Variants in ASIP observed in about 807,000 individuals in gnomAD.
ASIP encodes agouti signaling protein.
ASIP carries 11 observed loss-of-function variants against 10.3 expected under a neutral mutation model. That is an observed-to-expected ratio of 1.07 (90% CI 0.68 to 1.78). The LOEUF (loss-of-function observed/expected upper bound fraction) is 1.78, where lower values mean the gene tolerates loss of function less well. Ranked by LOEUF, ASIP falls within the 40% of genes most tolerant of loss-of-function variation. ASIP has a pLI of 0.00. For missense variants in ASIP, 180 were observed against 169.2 expected, an observed-to-expected ratio of 1.06 and a Z score of -0.35; for synonymous variants, 70 against 70.8, an observed-to-expected ratio of 0.99 and a Z score of 0.06.
intron 1 of ASIP, among the ~76,000 whole-genome samples, chr20:34,197,682 A>G (rs945311717): frequency 6.6e-6 from 1 of 152,116 alleles, no homozygotes; most frequent in Non-Finnish European, 1.5e-5. Flanking sequence ...CCTCAGCATT[A>G]TTATAAATTA....
At chr20:34,214,948 CAACT>C (rs1320991540) in intron 1 of ASIP, 3 of 1,419,352 alleles carry the variant, frequency 2.1e-6, no homozygotes, top group East Asian at 4.5e-5. Context: ...TAATTTACTC[CAACT>C]AACTATCCAT....
At chr20:34,220,151 A>T (rs890026116) in intron 1 of ASIP, among the ~76,000 whole-genome samples, 8 of 151,864 alleles carry the variant, frequency 5.3e-5, no homozygotes, top group Admixed American at 2.0e-4. Context: ...GAGATGGTTT[A>T]TGTGCCATCT....
At chr20:34,217,287 A>C (rs1378065326) in intron 1 of ASIP, among the ~76,000 whole-genome samples, 6 of 151,666 alleles carry the variant, frequency 4.0e-5, no homozygotes, top group Admixed American at 3.3e-4. Flanking sequence ...AAAGTACAAA[A>C]ATTAACCGGG....
At chr20:34,205,575 G>A (rs1248729357) in intron 1 of ASIP, among the ~76,000 whole-genome samples, 5 of 146,172 alleles carry the variant, frequency 3.4e-5, no homozygotes, top group South Asian at 2.1e-4. Context: ...GGACCCAAAC[G>A]GGTTGCTGCT....
At chr20:34,215,994 A>AG (rs1217903660) in intron 1 of ASIP, 1 of 720,628 alleles carries the variant, frequency 1.4e-6, no homozygotes, top group Non-Finnish European at 2.5e-6. Context: ...CCCGCCTCCC[A>AG]GCCTGAACTC....
chr20:34,193,306 G>A (rs557013122), upstream of ASIP, among the ~76,000 whole-genome samples: 4 of 152,216 alleles, frequency 2.6e-5, no homozygotes, highest in South Asian at 6.2e-4. Context: ...CCTGACATTC[G>A]AGTCATTGAG....
At chr20:34,225,684 T>C (rs1601579767) in intron 1 of ASIP, among the ~76,000 whole-genome samples, 7 of 152,158 alleles carry the variant, frequency 4.6e-5, no homozygotes, top group Non-Finnish European at 1.5e-5. Flanking sequence ...TCTCCGCTGA[T>C]TCATGTTTTT....
At chr20:34,195,132 A>G (rs2122528655) in intron 1 of ASIP, among the ~76,000 whole-genome samples, 1 of 148,768 alleles carries the variant, frequency 6.7e-6, no homozygotes, top group Non-Finnish European at 1.5e-5. Context: ...AGGTACCAGA[A>G]AAAAAAAAAA....
chr20:34,257,454 T>C (rs2035593432), intron 1 of ASIP, among the ~76,000 whole-genome samples: 1 of 152,186 alleles, frequency 6.6e-6, no homozygotes, highest in African/African-American at 2.4e-5. Flanking sequence ...ATTTGAAAAA[T>C]GGTCTTTTTA....
intron 1 of ASIP, among the ~76,000 whole-genome samples, chr20:34,251,458 T>G (rs1055387466): frequency 1.3e-5 from 2 of 151,978 alleles, no homozygotes; most frequent in Admixed American, 1.3e-4. Context: ...TATTTTTTAA[T>G]AGAGACGGGG....
intron 1 of ASIP, among the ~76,000 whole-genome samples, chr20:34,236,004 AAGAG>A (rs534385636): frequency 1.6e-4 from 18 of 111,820 alleles, no homozygotes; most frequent in East Asian, 7.2e-4. Flanking sequence ...AGGAAGGAGA[AAGAG>A]AGAAAGAGAG....
At chr20:34,250,875 A>G (rs1301404340) in intron 1 of ASIP, among the ~76,000 whole-genome samples, 2 of 152,094 alleles carry the variant, frequency 1.3e-5, no homozygotes, top group Admixed American at 1.3e-4. Flanking sequence ...TTAAGATACA[A>G]TACTCTCCCC....
At chr20:34,201,435 CTT>C (rs1030624156) in intron 1 of ASIP, among the ~76,000 whole-genome samples, 5 of 152,172 alleles carry the variant, frequency 3.3e-5, no homozygotes, top group African/African-American at 1.2e-4. Flanking sequence ...CCATTCACCT[CTT>C]TGTTTTTTTG....
intron 1 of ASIP, among the ~76,000 whole-genome samples, chr20:34,201,020 C>CCTTCCTTCT (rs1568744481): frequency 1.3e-5 from 1 of 78,628 alleles, no homozygotes; most frequent in South Asian, 3.1e-4. Flanking sequence ...TTCCTTCCTT[C>CCTTCCTTCT]TTTCTTTCTT....
chr20:34,233,182 C>T (rs1341825933), intron 1 of ASIP, among the ~76,000 whole-genome samples: 1 of 133,868 alleles, frequency 7.5e-6, no homozygotes, highest in Non-Finnish European at 1.5e-5. Context: ...GAGTCTCGCT[C>T]TGTTGCCCAG....
At chr20:34,201,203 C>T (rs2034897909) in intron 1 of ASIP, among the ~76,000 whole-genome samples, 1 of 152,010 alleles carries the variant, frequency 6.6e-6, no homozygotes, top group Admixed American at 6.6e-5. Flanking sequence ...TGATGGCCAC[C>T]GGAGTGCGGG....
chr20:34,246,540 A>C, intron 1 of ASIP: 17 of 1,003,116 alleles, frequency 1.7e-5, no homozygotes, highest in Non-Finnish European at 2.5e-5. Flanking sequence ...ATCTCAGCTC[A>C]CTGCAACCTC....
intron 1 of ASIP, among the ~76,000 whole-genome samples, chr20:34,199,577 C>T (rs1277927390): frequency 6.6e-6 from 1 of 152,094 alleles, no homozygotes; most frequent in Non-Finnish European, 1.5e-5. Context: ...ACGTTTAGCA[C>T]CTTTTTACAT....
chr20:34,253,077 A>C (rs769690148), intron 1 of ASIP, among the ~76,000 whole-genome samples: 11 of 151,962 alleles, frequency 7.2e-5, no homozygotes, highest in Non-Finnish European at 1.6e-4. Context: ...TTTTCTACAT[A>C]GACACAGTAA....
Sources: allele counts gnomAD v4.1 joint callset (sites outside exome capture counted in the v4.1 genomes callset), GRCh38; gene constraint gnomAD v4.1.1; transcripts MANE v1.5; gene names NCBI Gene and HGNC (gene_info 2026-07-23, HGNC 2026-07-21).